The following SFXN5 variants were observed in gnomAD, a reference collection of about 807,000 sequenced individuals.
SFXN5 encodes the protein sideroflexin-5.
Under a neutral mutation model 50.2 loss-of-function variants are expected in SFXN5, and 43 were observed. The ratio of observed to expected loss-of-function variants is 0.86; its 90% CI spans 0.67 to 1.11. The LOEUF (loss-of-function observed/expected upper bound fraction) is 1.11. Among genes scored for constraint, SFXN5 ranks in the 50% least tolerant of loss-of-function variants. SFXN5 has a pLI of 0.00. For synonymous variants in SFXN5, 203 were observed against 185.8 expected (o/e 1.09, Z -0.75); for missense variants, 463 against 454.1 (o/e 1.02, Z -0.18).
At position 72,950,635 on chromosome 2, in the gene SFXN5, C is replaced by T. The variant is rs920745617; in HGVS notation, c.946-5536G>A. Among the ~76,000 whole-genome samples the T allele has an allele frequency of 8.5e-5, 13 of 152,362 alleles. No individual in the cohort carries two copies. The highest frequency in any genetic ancestry group is 8.8e-5 in the Non-Finnish European group (6 of 68,032). ...ACTAAGCATCTCCCTTGAAGACCAC[C>T]TCTCTGAGGTAAGTGTGGGGCCAAG... On this transcript the variant is annotated intron_variant, in intron 13 of 13. Transcript: ENST00000272433. The surrounding 1 kb of genome is among the most constrained non-coding windows in gnomAD (Gnocchi z 4.2).
chr2:73,065,387 C>A (rs949778929), intron 1 of SFXN5, among the ~76,000 whole-genome samples: 1 of 151,870 alleles, frequency 6.6e-6, no homozygotes, highest in Non-Finnish European at 1.5e-5. Context: ...AGGCATGAGC[C>A]AACTGCACCT....
At chr2:73,002,636 G>A (rs956241887) in intron 6 of SFXN5, among the ~76,000 whole-genome samples, 3 of 152,182 alleles carry the variant, frequency 2.0e-5, no homozygotes, top group Non-Finnish European at 4.4e-5. Context: ...AGCAGCATTA[G>A]TAAATCATGT....
chr2:72,961,597 G>A lies in SFXN5; in HGVS notation c.828-349C>T, dbSNP rs1388189815. On this transcript the variant is annotated intron_variant, in intron 12 of 13. Coordinates refer to ENST00000272433, the MANE Select transcript of SFXN5 (RefSeq NM_144579.3). This position sits in a 1 kb window ranked among gnomAD's most constrained non-coding sequence, Gnocchi z 4.4. ...GGGAGAGACACTCAAAGAGGCTGTC[G>A]GCCCCTGTTCCTGGGGAGACACATA... Among the ~76,000 whole-genome samples, 2 of 152,180 alleles carry A rather than the reference G, an allele frequency of 1.3e-5. No homozygotes were observed. The highest frequency in any genetic ancestry group is 2.9e-5 in the Non-Finnish European group (2 of 68,036).
chr2:73,009,780 A>G (rs6712130), intron 6 of SFXN5, among the ~76,000 whole-genome samples: 9,645 of 152,254 alleles, frequency 0.063, 963 homozygotes, highest in African/African-American at 0.21. Flanking sequence ...GGAGTGGATC[A>G]GCATCCAAGT....
At chr2:73,052,344 G>GTC (rs1302777630) in intron 2 of SFXN5, among the ~76,000 whole-genome samples, 4 of 133,480 alleles carry the variant, frequency 3.0e-5, no homozygotes, top group Non-Finnish European at 6.1e-5. Flanking sequence ...GAGAGAGTGT[G>GTC]TGTGTGTGTG....
At chr2:72,948,248 G>A (rs1431795988) in intron 13 of SFXN5, among the ~76,000 whole-genome samples, 4 of 152,230 alleles carry the variant, frequency 2.6e-5, no homozygotes, top group Non-Finnish European at 4.4e-5. Flanking sequence ...TCTGTAAAAT[G>A]TTTGAAGAAT....
chr2:73,001,472 A>G (rs1643295798), intron 7 of SFXN5, 53 bp downstream of exon 7: 1 of 1,595,760 alleles, frequency 6.3e-7, no homozygotes, highest in South Asian at 1.1e-5. Flanking sequence ...GTTCTTAACC[A>G]GCACCTGTGT....
intron 12 of SFXN5, among the ~76,000 whole-genome samples, chr2:72,962,957 A>G (rs1573966152): frequency 6.6e-6 from 1 of 151,368 alleles, no homozygotes; most frequent in South Asian, 2.1e-4. Flanking sequence ...CAGCACCCCC[A>G]CCCTCTCTCT....
At chr2:73,026,126 C>CTTTTTTT (rs759334127) in intron 3 of SFXN5, among the ~76,000 whole-genome samples, 30,515 of 128,408 alleles carry the variant, frequency 0.24, 5,143 homozygotes, top group African/African-American at 0.43. Flanking sequence ...TGTGTGGCTG[C>CTTTTTTT]TTTTTTTTTT....
chr2:73,063,308 T>G (rs558084125), intron 1 of SFXN5, among the ~76,000 whole-genome samples: 4 of 152,066 alleles, frequency 2.6e-5, no homozygotes, highest in Non-Finnish European at 4.4e-5. Flanking sequence ...AAACCTATAG[T>G]CTGACCAAGT....
At chr2:72,968,089 A>G (rs115908163) in intron 12 of SFXN5, among the ~76,000 whole-genome samples, 1 of 151,226 alleles carries the variant, frequency 6.6e-6, no homozygotes, top group Non-Finnish European at 1.5e-5. Context: ...TCCTGTACAT[A>G]CTATTCACTG....
At chr2:73,005,809 C>T (rs562174121) in intron 6 of SFXN5, among the ~76,000 whole-genome samples, 39 of 152,222 alleles carry the variant, frequency 2.6e-4, no homozygotes, top group South Asian at 1.0e-3. Flanking sequence ...GGGCCCACAC[C>T]CCAGGGTGGA....
intron 6 of SFXN5, among the ~76,000 whole-genome samples, chr2:73,007,233 A>C (rs534100215): frequency 6.6e-6 from 1 of 152,270 alleles, no homozygotes; most frequent in East Asian, 1.9e-4. Context: ...AACTGACTCA[A>C]ACTACAGGAG....
chr2:73,000,781 C>T (rs2105691234), intron 7 of SFXN5, among the ~76,000 whole-genome samples: 2 of 152,322 alleles, frequency 1.3e-5, no homozygotes, highest in Admixed American at 1.3e-4. Context: ...GGAATGATGG[C>T]ATTCACTGCC....
intron 13 of SFXN5, among the ~76,000 whole-genome samples, chr2:72,949,645 G>A (rs1287024578): frequency 1.3e-5 from 2 of 151,944 alleles, no homozygotes; most frequent in African/African-American, 4.8e-5. Context: ...TGGGATGGTG[G>A]GTGTGGAGGA....
intron 13 of SFXN5, among the ~76,000 whole-genome samples, chr2:72,958,119 G>A (rs1673309830): frequency 6.6e-6 from 1 of 152,134 alleles, no homozygotes; most frequent in African/African-American, 2.4e-5. Context: ...AGGCCTGGGT[G>A]GGTGAATGGT....
intron 6 of SFXN5, among the ~76,000 whole-genome samples, chr2:73,013,406 C>CGCGTGT (rs1675779811): frequency 7.2e-6 from 1 of 139,718 alleles, no homozygotes; most frequent in African/African-American, 2.7e-5. Context: ...AGGGATATTT[C>CGCGTGT]GTGTGTGTGT....
chr2:73,047,233 AAAAAAAAAAAAAATATATATAT>A (rs1680472454), intron 2 of SFXN5, among the ~76,000 whole-genome samples: 1 of 28,028 alleles, frequency 3.6e-5, no homozygotes, highest in Non-Finnish European at 8.3e-5. Flanking sequence ...AAAAAAAAAA[AAAAAAAAAAAAAATATATATAT>A]ATATATATAT....
chr2:72,956,578 C>A (rs1359189466), intron 13 of SFXN5, among the ~76,000 whole-genome samples: 1 of 152,172 alleles, frequency 6.6e-6, no homozygotes, highest in Non-Finnish European at 1.5e-5. Flanking sequence ...CCTGCTCCAT[C>A]GTCAACAACT....
Sources: gnomAD v4.1 joint callset for allele counts (sites outside exome capture counted in the v4.1 genomes callset) on GRCh38, gnomAD v4.1.1 for gene constraint, Gnocchi (gnomAD v3.1) non-coding constraint, MANE v1.5 for transcripts, NCBI Gene and HGNC (gene_info 2026-07-23, HGNC 2026-07-21) for gene names.